Variants in SLIT3 observed in about 807,000 individuals in gnomAD.
SLIT3 encodes the protein slit homolog 3 protein.
In SLIT3, 68 loss-of-function variants were observed where a neutral mutation model predicts 184.0. That is an observed-to-expected ratio of 0.37 (90% CI 0.30 to 0.45). The LOEUF is 0.45. Ranked by LOEUF, SLIT3 falls within the 20% of genes least tolerant of loss-of-function variation. The pLI is 1.00. For synonymous variants in SLIT3, 831 were observed against 828.6 expected (o/e 1.00, Z -0.05); for missense variants, 1,707 against 2,026.0 (o/e 0.84, Z 3.02).
chr5:169,166,204 T>G (rs116757903), intron 4 of SLIT3, among the ~76,000 whole-genome samples: 1 of 152,300 alleles, frequency 6.6e-6, no homozygotes, highest in South Asian at 2.1e-4. Context: ...TTAGCCGTCT[T>G]TGCCATGGAG....
At chr5:168,870,472 AGACCCTCAACCTTG>A (rs748070716) in intron 5 of SLIT3, among the ~76,000 whole-genome samples, 3 of 152,218 alleles carry the variant, frequency 2.0e-5, no homozygotes, top group Non-Finnish European at 4.4e-5. Flanking sequence ...AGCCCAGCTC[AGACCCTCAACCTTG>A]GAGTTGAGCT....
At chr5:168,777,095 A>T (rs200491266) in intron 12 of SLIT3, among the ~76,000 whole-genome samples, 64,726 of 128,962 alleles carry the variant, frequency 0.5, 15,796 homozygotes, top group East Asian at 0.61. Flanking sequence ...ACACACACAC[A>T]CACACACACA....
At chr5:168,676,193 C>T (rs1282879481) in intron 32 of SLIT3, among the ~76,000 whole-genome samples, 1 of 148,904 alleles carries the variant, frequency 6.7e-6, no homozygotes, top group Non-Finnish European at 1.5e-5. Context: ...ATCCATCCAT[C>T]CTTCATCTAC....
intron 4 of SLIT3, among the ~76,000 whole-genome samples, chr5:169,171,362 C>T (rs773161155): frequency 2.0e-5 from 3 of 152,152 alleles, no homozygotes; most frequent in Non-Finnish European, 2.9e-5. Flanking sequence ...GTATCCCAGG[C>T]AGGGAGAATG....
At chr5:169,084,635 A>T (rs1759215570) in intron 4 of SLIT3, among the ~76,000 whole-genome samples, 1 of 152,090 alleles carries the variant, frequency 6.6e-6, no homozygotes, top group African/African-American at 2.4e-5. Flanking sequence ...TACACACATG[A>T]AATCAAATGT....
At position 168,879,123 on chromosome 5, in the gene SLIT3, T is replaced by C. The variant is rs76290247; in HGVS notation, c.485+4142A>G. ...ATAGTTTTTTATTTTCTCCGTGTAG[T>C]AAAGCGTATGGTGTTACACATAGGC... On this transcript the variant is annotated intron_variant, in intron 5 of 35. Coordinates refer to ENST00000519560, the MANE Select transcript of SLIT3 (RefSeq NM_003062.4). Among the ~76,000 whole-genome samples the C allele has an allele frequency of 5.6e-4, 86 of 152,328 alleles. No individual in the cohort carries two copies. The East Asian group carries it at 0.016, about 28-fold the overall frequency.
At chr5:168,675,233 T>C (rs1345344597) in intron 32 of SLIT3, among the ~76,000 whole-genome samples, 1 of 152,148 alleles carries the variant, frequency 6.6e-6, no homozygotes. Flanking sequence ...GCTTCCTCTC[T>C]CCTTGAATTC....
intron 3 of SLIT3, among the ~76,000 whole-genome samples, chr5:169,197,182 C>T (rs928007303): frequency 6.6e-6 from 1 of 152,228 alleles, no homozygotes; most frequent in Admixed American, 6.5e-5. Flanking sequence ...TAAATTTAGC[C>T]AATTGTGTGC....
intron 12 of SLIT3, among the ~76,000 whole-genome samples, chr5:168,785,137 G>GCA (rs34278304): frequency 0.031 from 4,304 of 140,778 alleles, 229 homozygotes; most frequent in African/African-American, 0.11. Context: ...GCACATGCAT[G>GCA]CACACACACA....
rs902059933 is a variant in SLIT3, at chr5:168,701,618, C to T, written c.2845-939G>A. On this transcript the variant is annotated intron_variant, in intron 26 of 35. Transcript: ENST00000519560. ...CCATGAGACCCACTGTCCCAGGGAA[C>T]AGCCCGACTCTTCTTGGCCTTCTGG... Among the ~76,000 whole-genome samples, 7 of 152,234 alleles carry T rather than the reference C, an allele frequency of 4.6e-5. 1 individual carries two copies. The highest frequency in any genetic ancestry group is 1.0e-4 in the Non-Finnish European group (7 of 68,040).
chr5:169,206,879 C>T (rs970273813), intron 3 of SLIT3, among the ~76,000 whole-genome samples: 2 of 151,992 alleles, frequency 1.3e-5, no homozygotes, highest in Non-Finnish European at 2.9e-5. Flanking sequence ...CATTTCTTCC[C>T]GATTCAGGTC....
intron 4 of SLIT3, among the ~76,000 whole-genome samples, chr5:169,099,820 G>C (rs1759938743): frequency 6.6e-6 from 1 of 152,190 alleles, no homozygotes; most frequent in Admixed American, 6.5e-5. Flanking sequence ...CCTGCATTAG[G>C]TCAAGAAGGC....
At chr5:168,848,206 C>T (rs1758549807) in intron 5 of SLIT3, among the ~76,000 whole-genome samples, 1 of 152,206 alleles carries the variant, frequency 6.6e-6, no homozygotes, top group South Asian at 2.1e-4. Context: ...AGGGCTGAGC[C>T]CAAGCCGTAT....
At chr5:169,261,619 G>A (rs896037967) in intron 1 of SLIT3, among the ~76,000 whole-genome samples, 6 of 151,748 alleles carry the variant, frequency 4.0e-5, no homozygotes, top group Non-Finnish European at 8.8e-5. Context: ...TCCAGACCTG[G>A]CACTATGCTG....
At chr5:168,775,477 C>T (rs931997100) in intron 12 of SLIT3, among the ~76,000 whole-genome samples, 1 of 152,074 alleles carries the variant, frequency 6.6e-6, no homozygotes, top group Non-Finnish European at 1.5e-5. Context: ...GAGAGGCCGG[C>T]CCTGACCCCC....
intron 4 of SLIT3, among the ~76,000 whole-genome samples, chr5:168,906,017 T>C (rs972525749): frequency 1.3e-5 from 2 of 152,194 alleles, no homozygotes; most frequent in African/African-American, 4.8e-5. Context: ...CAGCAAGTCC[T>C]GAACTCTAAT....
chr5:169,208,104 G>T (rs1191279590), intron 3 of SLIT3, among the ~76,000 whole-genome samples: 5 of 152,184 alleles, frequency 3.3e-5, no homozygotes, highest in African/African-American at 1.2e-4. Flanking sequence ...GGAAAGATCT[G>T]CCTCAAAGAA....
chr5:169,224,982 C>A (rs1764754425), intron 3 of SLIT3, among the ~76,000 whole-genome samples: 1 of 152,164 alleles, frequency 6.6e-6, no homozygotes, highest in African/African-American at 2.4e-5. Flanking sequence ...CCACGTTTGG[C>A]CCATTTTTTA....
chr5:169,117,813 C>G (rs766801766), intron 4 of SLIT3, among the ~76,000 whole-genome samples: 4 of 152,160 alleles, frequency 2.6e-5, no homozygotes, highest in Non-Finnish European at 4.4e-5. Context: ...CCAATGAAGT[C>G]AGAAGTAGAT....
Sources: allele counts gnomAD v4.1 joint callset (sites outside exome capture counted in the v4.1 genomes callset), GRCh38; gene constraint gnomAD v4.1.1; transcripts MANE v1.5; gene names NCBI Gene and HGNC (gene_info 2026-07-23, HGNC 2026-07-21).